Variants in PATJ observed in about 807,000 individuals in gnomAD.
PATJ encodes the protein PATJ crumbs cell polarity complex component.
PATJ carries 190 observed loss-of-function variants against 224.9 expected under a neutral mutation model. The ratio of observed to expected loss-of-function variants is 0.84; its 90% CI spans 0.75 to 0.95. The LOEUF is 0.95. Ranked by LOEUF, PATJ falls within the 40% of genes least tolerant of loss-of-function variation. The probability of loss-of-function intolerance (pLI) is 0.00; values close to 1 mark genes in which losing one functional copy is unlikely to be tolerated. For missense variants in PATJ, 2,121 were observed against 2,270.3 expected (o/e 0.93, Z 1.34); for synonymous variants, 769 against 820.3 (o/e 0.94, Z 1.07).
chr1:61,771,388 G>T, intron 5 of PATJ, 43 bp from the exon 6 acceptor site: 2 of 1,288,812 alleles, frequency 1.6e-6, no homozygotes, highest in Middle Eastern at 1.9e-4. Context: ...TAAAAATCAG[G>T]TTATTAGATC....
chr1:62,087,396 G>T lies in PATJ; in HGVS notation c.4377+2748G>T, dbSNP rs568436888. Among the ~76,000 whole-genome samples, 5 of 152,050 alleles carry T rather than the reference G, an allele frequency of 3.3e-5. No homozygotes were observed. In the South Asian group the frequency reaches 6.2e-4, roughly 19 times the overall value. On this transcript the variant is annotated intron_variant, in intron 33 of 43. Coordinates refer to ENST00000642238, the MANE Select transcript of PATJ (RefSeq NM_001350145.3). ...CATAGGATGGGGGGCGGGGCGGGCCGTAGGTAGTTTTGGGAAAAGCAACAT... is the reference window on the plus strand; with the variant it reads ...CATAGGATGGGGGGCGGGGCGGGCCTTAGGTAGTTTTGGGAAAAGCAACAT...
chr1:61,882,078 G>C (rs948427327), intron 21 of PATJ, among the ~76,000 whole-genome samples: 9 of 152,156 alleles, frequency 5.9e-5, no homozygotes, highest in African/African-American at 1.9e-4. Flanking sequence ...GTGCTGCTCT[G>C]GGGGTCATGA....
In PATJ at chr1:61,978,215, T is replaced by C. The variant is rs927484535; in HGVS notation, c.3671-11953T>C. On this transcript the variant is annotated intron_variant, in intron 27 of 43. Coordinates refer to ENST00000642238, the MANE Select transcript of PATJ (RefSeq NM_001350145.3). ...TTCATATCTTCCTTCCTTCCTTCCT[T>C]CCTTCCTTCCTCCCTCCCTCCCTCC... Among the ~76,000 whole-genome samples the C allele has an allele frequency of 4.3e-5, 6 of 138,730 alleles. No homozygotes were observed. In the Admixed American group the frequency reaches 4.4e-4, roughly 10 times the overall value. The allele number at this position is 138,730 out of a possible 152,430, so 91.0% of individuals were successfully genotyped here.
Position 61,908,463 on chromosome 1 carries a change from G to A in PATJ, c.3473G>A (p.Ser1158Asn). 1 of 1,612,914 alleles carries A rather than the reference G, an allele frequency of 6.2e-7. No homozygotes were observed. Among genetic ancestry groups the A allele is most frequent in the African/African-American group, 1.3e-5 (1 of 75,014 alleles). Reference protein sequence around the residue: ...AGNPVVFIVQSLSSTPRVIPN... With the variant: ...AGNPVVFIVQNLSSTPRVIPN... ...AACCCTGTGGTGTTCATTGTTCAGAGTTTGTCATCCACTCCACGAGTAAGT... is the reference window on the plus strand; with the variant it reads ...AACCCTGTGGTGTTCATTGTTCAGAATTTGTCATCCACTCCACGAGTAAGT... Residue 1158 changes from serine (S) to asparagine (N), a missense_variant, in exon 25 of 44, where the codon AGT (serine) becomes AAT (asparagine). Coordinates refer to ENST00000642238, the MANE Select transcript of PATJ (RefSeq NM_001350145.3).
rs17123131 is a variant in PATJ at position 62,142,136 on chromosome 1, C to T, written c.5272-6148C>T. On this transcript the variant is annotated intron_variant, in intron 41 of 43. Transcript: ENST00000642238. ...TTTGACGATACCTTAAAAAAAAACA[C>T]TATTTTAGTGACTTTCTTCCTCAGC... 8.9e-3 allele frequency among the ~76,000 whole-genome samples: 1,353 copies of T among 152,174 alleles called. 15 individuals are homozygous for T. Among genetic ancestry groups the T allele is most frequent in the African/African-American group, 0.03 (1,263 of 41,506 alleles).
rs142556965 is a variant in PATJ at position 61,909,610 on chromosome 1, T to C, written c.3492+1128T>C. Among the ~76,000 whole-genome samples, 576 of 152,230 alleles carry C rather than the reference T, an allele frequency of 3.8e-3. 2 individuals carry two copies. The highest frequency in any genetic ancestry group is 4.8e-3 in the Non-Finnish European group (326 of 68,006). ...GCCTTAGCCTCCCAAGTAGCTGGGA[T>C]TACAGGTGCATGCCACTACACCTGG... On this transcript the variant is annotated intron_variant, in intron 25 of 43. Transcript: ENST00000642238.
intron 42 of PATJ, among the ~76,000 whole-genome samples, 196 bp downstream of exon 42, chr1:62,148,586 G>GCA (rs1282819071): frequency 2.6e-5 from 4 of 152,176 alleles, no homozygotes; most frequent in Non-Finnish European, 5.9e-5. Context: ...TGCAGGGCCT[G>GCA]CACACACACT....
intron 3 of PATJ, among the ~76,000 whole-genome samples, chr1:61,764,677 G>T (rs1013557623): frequency 1.3e-5 from 2 of 152,164 alleles, no homozygotes; most frequent in African/African-American, 4.8e-5. Context: ...TAAAATGCTT[G>T]CCCATTAAGT....
chr1:61,788,027 G>A, intron 8 of PATJ, 55 bp downstream of exon 8: 5 of 1,380,932 alleles, frequency 3.6e-6, no homozygotes, highest in Non-Finnish European at 5.1e-6. Context: ...GTGACACACT[G>A]TAAGATAAGA....
intron 17 of PATJ, 26 bp from the exon 18 acceptor site, chr1:61,856,004 A>G: frequency 1.3e-6 from 2 of 1,572,264 alleles, no homozygotes; most frequent in Non-Finnish European, 1.8e-6. Flanking sequence ...GCATGGACTC[A>G]TCCTTCTTCT....
chr1:62,043,806 C>T (rs1651989526), intron 30 of PATJ, among the ~76,000 whole-genome samples: 1 of 152,094 alleles, frequency 6.6e-6, no homozygotes. Flanking sequence ...CAGCTCACTG[C>T]ATCCTCGACC....
chr1:61,834,038 T>C (rs1226440984), intron 17 of PATJ, among the ~76,000 whole-genome samples: 1 of 152,194 alleles, frequency 6.6e-6, no homozygotes, highest in Non-Finnish European at 1.5e-5. Context: ...AGCAGGATCT[T>C]GATGAACTTG....
At chr1:62,094,177 T>C (rs1661106310) in intron 33 of PATJ, among the ~76,000 whole-genome samples, 1 of 152,006 alleles carries the variant, frequency 6.6e-6, no homozygotes, top group African/African-American at 2.4e-5. Context: ...GGATGATCAG[T>C]TGAGGCCCAG....
chr1:61,835,013 G>A (rs1254775393), intron 17 of PATJ, among the ~76,000 whole-genome samples: 4 of 152,196 alleles, frequency 2.6e-5, no homozygotes, highest in Admixed American at 1.3e-4. Context: ...ACAGGCATGA[G>A]CCACTGTGCT....
chr1:61,790,515 G>GTTTTTTTT (rs377372844), intron 8 of PATJ, among the ~76,000 whole-genome samples: 1 of 129,024 alleles, frequency 7.8e-6, no homozygotes, highest in Non-Finnish European at 1.6e-5. Context: ...TCTTTTTTTT[G>GTTTTTTTT]TTTTTTTTTT....
At chr1:62,153,337 C>G in intron 42 of PATJ, 21 bp from the exon 43 acceptor site, 1 of 1,228,350 alleles carries the variant, frequency 8.1e-7, no homozygotes, top group Non-Finnish European at 1.0e-6. Flanking sequence ...TCGAATTAAA[C>G]AGCATGCATT....
At chr1:61,898,953 ATT>A (rs35895958) in intron 22 of PATJ, among the ~76,000 whole-genome samples, 1 of 150,416 alleles carries the variant, frequency 6.6e-6, no homozygotes, top group Non-Finnish European at 1.5e-5. Flanking sequence ...TGCACAGCTG[ATT>A]TTTTTTTTGT....
chr1:61,920,995 C>T (rs1157730414), intron 26 of PATJ, among the ~76,000 whole-genome samples: 8 of 152,134 alleles, frequency 5.3e-5, no homozygotes, highest in African/African-American at 9.7e-5. Flanking sequence ...CATGAACCAC[C>T]GCACCTGGCC....
intron 33 of PATJ, among the ~76,000 whole-genome samples, chr1:62,093,891 TAAATA>T (rs1051589304): frequency 2.0e-5 from 3 of 152,218 alleles, no homozygotes; most frequent in African/African-American, 7.2e-5. Context: ...CCATTTTAAA[TAAATA>T]TAAAGCCATT....
Sources: allele counts gnomAD v4.1 joint callset (sites outside exome capture counted in the v4.1 genomes callset), GRCh38; gene constraint gnomAD v4.1.1; transcripts MANE v1.5; gene names NCBI Gene and HGNC (gene_info 2026-07-23, HGNC 2026-07-21).